OPCML: variants seen among roughly 807,000 people sequenced by gnomAD.
OPCML encodes opioid binding protein/cell adhesion molecule like, also known as opioid-binding protein/cell adhesion molecule.
OPCML carries 13 observed loss-of-function variants against 37.8 expected under a neutral mutation model. The observed-to-expected ratio is 0.34, with a 90% CI of 0.22 to 0.55. The LOEUF (loss-of-function observed/expected upper bound fraction) is 0.55, where lower values mean the gene tolerates loss of function less well. Among genes scored for constraint, OPCML ranks in the 20% least tolerant of loss-of-function variants. OPCML has a pLI of 0.91. For missense variants in OPCML, 341 were observed against 435.6 expected (o/e 0.78, Z 1.93); for synonymous variants, 176 against 168.8 (o/e 1.04, Z -0.33).
In OPCML at chr11:133,490,665, C is replaced by T. The variant is rs149228559; in HGVS notation, c.61+41599G>A. Among the ~76,000 whole-genome samples the T allele has an allele frequency of 4.6e-5, 7 of 152,282 alleles. No individual in the cohort carries two copies. The East Asian group carries it at 1.2e-3, about 25-fold the overall frequency. Reference sequence around the variant, plus strand: ...TGGACAATGGTCTTCCAATGACTTTCCAACTCAACAAGAATAAAAGCTCCC... The same window carrying T: ...TGGACAATGGTCTTCCAATGACTTTTCAACTCAACAAGAATAAAAGCTCCC... On this transcript the variant is annotated intron_variant, in intron 1 of 7. Transcript: ENST00000524381.
chr11:132,513,495 T>C (rs1170978657), intron 4 of OPCML, among the ~76,000 whole-genome samples: 1 of 152,194 alleles, frequency 6.6e-6, no homozygotes, highest in East Asian at 1.9e-4. Context: ...AATGGGACCA[T>C]CAACAAATGA....
chr11:132,967,523 T>C (rs191633386), intron 1 of OPCML, among the ~76,000 whole-genome samples: 1 of 152,266 alleles, frequency 6.6e-6, no homozygotes, highest in East Asian at 1.9e-4. Flanking sequence ...CCATCTGGTG[T>C]TATTTCATTA....
intron 2 of OPCML, among the ~76,000 whole-genome samples, chr11:132,783,528 T>A (rs1445666314): frequency 6.6e-6 from 1 of 152,212 alleles, no homozygotes; most frequent in Non-Finnish European, 1.5e-5. Flanking sequence ...AGTTAATGTC[T>A]ATCAACTAAT....
At chr11:133,322,541 T>G (rs185920095) in intron 1 of OPCML, among the ~76,000 whole-genome samples, 1 of 152,264 alleles carries the variant, frequency 6.6e-6, no homozygotes, top group East Asian at 1.9e-4. Context: ...GTTAAACCCA[T>G]GCCAGTTGAT....
At chr11:132,468,132 C>T (rs1451658972) in intron 4 of OPCML, among the ~76,000 whole-genome samples, 1 of 152,222 alleles carries the variant, frequency 6.6e-6, no homozygotes, top group Admixed American at 6.5e-5. Flanking sequence ...AGCCTTTACT[C>T]ATGCTTCAGC....
At position 133,313,964 on chromosome 11, in the gene OPCML, A is replaced by G. The variant is rs559981459; in HGVS notation, c.61+218300T>C. 4.8e-4 allele frequency among the ~76,000 whole-genome samples: 73 copies of G among 152,264 alleles called. No individual in the cohort carries two copies. The East Asian group carries it at 5.8e-3, about 12-fold the overall frequency. On this transcript the variant is annotated intron_variant, in intron 1 of 7. Transcript: ENST00000524381. ...AAGAATACGATTTCAGGCTGGGCGC[A>G]GTGGCTCACGCCTGTAATCCCAGCA...
chr11:133,092,044 G>T (rs1948914864), intron 1 of OPCML, among the ~76,000 whole-genome samples: 1 of 152,088 alleles, frequency 6.6e-6, no homozygotes, highest in Admixed American at 6.5e-5. Context: ...GGTCATGAGG[G>T]TGCAGCCCTC....
intron 3 of OPCML, among the ~76,000 whole-genome samples, chr11:132,574,456 G>T (rs912658123): frequency 6.6e-6 from 1 of 150,776 alleles, no homozygotes; most frequent in Non-Finnish European, 1.5e-5. Context: ...TTTGTATATC[G>T]TATCTTTGTT....
At chr11:132,698,079 A>G (rs1026294746) in intron 2 of OPCML, among the ~76,000 whole-genome samples, 21 of 151,058 alleles carry the variant, frequency 1.4e-4, no homozygotes, top group African/African-American at 5.1e-4. Context: ...ATCCTTCTGT[A>G]TCAGCCTCCC....
chr11:133,238,883 T>C (rs1231770060), intron 1 of OPCML, among the ~76,000 whole-genome samples: 1 of 152,234 alleles, frequency 6.6e-6, no homozygotes, highest in Admixed American at 6.5e-5. Flanking sequence ...GCCTTTCATC[T>C]GGAGATTTCA....
chr11:133,521,455 C>T (rs75892187), intron 1 of OPCML, among the ~76,000 whole-genome samples: 1 of 152,324 alleles, frequency 6.6e-6, no homozygotes, highest in African/African-American at 2.4e-5. Context: ...AAAGAAGTGA[C>T]CCAATCTTCA....
chr11:133,135,784 C>G (rs1000687), intron 1 of OPCML, among the ~76,000 whole-genome samples: 22,034 of 152,148 alleles, frequency 0.14, 1,789 homozygotes, highest in East Asian at 0.2. Flanking sequence ...TGCTACCTCT[C>G]TCTACCTCAG....
intron 1 of OPCML, among the ~76,000 whole-genome samples, chr11:133,446,683 CT>C (rs1946480351): frequency 6.6e-6 from 1 of 152,216 alleles, no homozygotes; most frequent in Non-Finnish European, 1.5e-5. Context: ...ATTCCTCATT[CT>C]TATTTGTTGT....
At chr11:133,471,328 C>T (rs916744314) in intron 1 of OPCML, among the ~76,000 whole-genome samples, 1 of 152,058 alleles carries the variant, frequency 6.6e-6, no homozygotes, top group Non-Finnish European at 1.5e-5. Context: ...AGTGAAGAAG[C>T]CTTTATATAC....
intron 2 of OPCML, among the ~76,000 whole-genome samples, chr11:132,776,501 C>A (rs996813021): frequency 2.0e-5 from 3 of 152,032 alleles, no homozygotes; most frequent in African/African-American, 7.2e-5. Context: ...TCAGTACTAT[C>A]CCCCTGGTGA....
intron 3 of OPCML, among the ~76,000 whole-genome samples, chr11:132,592,729 C>CA (rs1191654580): frequency 7.9e-5 from 12 of 151,814 alleles, no homozygotes; most frequent in Non-Finnish European, 1.5e-4. Context: ...ATGTTTCCCC[C>CA]AAAAAAAGGA....
At chr11:132,543,421 G>A (rs967214233) in intron 3 of OPCML, among the ~76,000 whole-genome samples, 1 of 152,018 alleles carries the variant, frequency 6.6e-6, no homozygotes, top group African/African-American at 2.4e-5. Flanking sequence ...ACTGAGGCAG[G>A]AGAACTGCTT....
intron 4 of OPCML, among the ~76,000 whole-genome samples, chr11:132,466,341 A>G (rs1258891513): frequency 1.8e-4 from 27 of 148,900 alleles, no homozygotes; most frequent in African/African-American, 5.5e-4. Context: ...AAAAATAGCC[A>G]GGTGTGGTGG....
chr11:133,259,456 C>T (rs1272799899), intron 1 of OPCML, among the ~76,000 whole-genome samples: 1 of 152,044 alleles, frequency 6.6e-6, no homozygotes, highest in African/African-American at 2.4e-5. Context: ...TGCTTTTCAC[C>T]CCTACTAGGC....
Sources: gnomAD v4.1 joint callset for allele counts (sites outside exome capture counted in the v4.1 genomes callset) on GRCh38, gnomAD v4.1.1 for gene constraint, MANE v1.5 for transcripts, NCBI Gene and HGNC (gene_info 2026-07-23, HGNC 2026-07-21) for gene names.